EBF1: variants seen among roughly 807,000 people sequenced by gnomAD.
EBF1 encodes EBF transcription factor 1.
EBF1 carries 10 observed loss-of-function variants against 68.4 expected under a neutral mutation model. That is an observed-to-expected ratio of 0.15 (90% CI 0.09 to 0.25). The LOEUF (loss-of-function observed/expected upper bound fraction) is 0.25, where lower values mean the gene tolerates loss of function less well. Among genes scored for constraint, EBF1 ranks in the 10% least tolerant of loss-of-function variants. The pLI, the probability that EBF1 is intolerant of heterozygous loss-of-function variation, is 1.00. For synonymous variants in EBF1, 298 were observed against 299.8 expected (o/e 0.99, Z 0.06); for missense variants, 509 against 794.4 (o/e 0.64, Z 4.32).
intron 6 of EBF1, among the ~76,000 whole-genome samples, chr5:158,949,692 C>T (rs1815575708): frequency 1.3e-5 from 2 of 152,192 alleles, no homozygotes; most frequent in South Asian, 4.1e-4. Context: ...CTGCCTCTTT[C>T]AACAAATACA....
intron 6 of EBF1, among the ~76,000 whole-genome samples, chr5:159,002,416 C>T (rs72813911): frequency 0.12 from 18,387 of 152,224 alleles, 1,420 homozygotes; most frequent in Admixed American, 0.17. Context: ...ACATATACCT[C>T]GCTTTTCCGC....
intron 2 of EBF1, chr5:159,096,657 C>A: frequency 1.6e-6 from 1 of 606,758 alleles, no homozygotes; most frequent in Non-Finnish European, 2.9e-6. Context: ...CCTAGGGGCT[C>A]GTGCCCCGGC....
intron 11 of EBF1, among the ~76,000 whole-genome samples, chr5:158,725,698 A>G (rs1762849523): frequency 1.3e-5 from 2 of 152,192 alleles, no homozygotes; most frequent in South Asian, 2.1e-4. Flanking sequence ...GTGAGAGAAA[A>G]TGCACTGAGA....
chr5:158,745,233 A>T (rs1561807105), intron 10 of EBF1, among the ~76,000 whole-genome samples: 1 of 152,204 alleles, frequency 6.6e-6, no homozygotes, highest in Non-Finnish European at 1.5e-5. Context: ...GTCTCCTGAC[A>T]GAGTGAACAT....
At chr5:158,765,100 T>C (rs1772377394) in intron 10 of EBF1, among the ~76,000 whole-genome samples, 1 of 152,208 alleles carries the variant, frequency 6.6e-6, no homozygotes, top group South Asian at 2.1e-4. Context: ...TGACCCCCGA[T>C]ACAGAACATT....
intron 9 of EBF1, among the ~76,000 whole-genome samples, chr5:158,789,340 A>G (rs1316432649): frequency 6.6e-6 from 1 of 152,202 alleles, no homozygotes; most frequent in African/African-American, 2.4e-5. Flanking sequence ...TTACATTTCT[A>G]TCATGACATT....
chr5:158,784,631 C>T (rs1214564061), intron 9 of EBF1, among the ~76,000 whole-genome samples: 5 of 152,148 alleles, frequency 3.3e-5, no homozygotes, highest in East Asian at 1.9e-4. Context: ...AGCACACCAG[C>T]GATTTCTCAT....
intron 10 of EBF1, among the ~76,000 whole-genome samples, chr5:158,732,370 T>C (rs933054515): frequency 1.3e-5 from 2 of 152,196 alleles, no homozygotes; most frequent in Non-Finnish European, 2.9e-5. Context: ...AAGCAATTTG[T>C]ATACCAACCC....
At chr5:158,913,992 C>A (rs748624987) in intron 6 of EBF1, among the ~76,000 whole-genome samples, 2 of 152,092 alleles carry the variant, frequency 1.3e-5, no homozygotes, top group Non-Finnish European at 2.9e-5. Context: ...TCATTAAGAC[C>A]AGATATCAAT....
At chr5:158,894,734 G>C (rs1316864398) in intron 6 of EBF1, among the ~76,000 whole-genome samples, 3 of 152,182 alleles carry the variant, frequency 2.0e-5, no homozygotes, top group Admixed American at 6.5e-5. Context: ...CAACGTCCCT[G>C]TGTTTCCATT....
At chr5:158,737,285 T>A (rs1765402063) in intron 10 of EBF1, among the ~76,000 whole-genome samples, 1 of 127,232 alleles carries the variant, frequency 7.9e-6, no homozygotes, top group South Asian at 2.9e-4. Context: ...TTTTTTTTTT[T>A]TTTTTTTTTT....
At chr5:158,926,661 T>G (rs1809761424) in intron 6 of EBF1, among the ~76,000 whole-genome samples, 1 of 145,732 alleles carries the variant, frequency 6.9e-6, no homozygotes, top group Admixed American at 7.1e-5. Flanking sequence ...GAGGCAGAGG[T>G]GGCAGTGAGC....
intron 6 of EBF1, among the ~76,000 whole-genome samples, chr5:158,876,934 A>G (rs1321377774): frequency 6.6e-6 from 1 of 152,226 alleles, no homozygotes; most frequent in Non-Finnish European, 1.5e-5. Flanking sequence ...CCTGGTACAA[A>G]TAGAAGTAAG....
intron 4 of EBF1, among the ~76,000 whole-genome samples, chr5:159,090,071 G>T (rs1376134287): frequency 6.6e-6 from 1 of 151,888 alleles, no homozygotes; most frequent in African/African-American, 2.4e-5. Context: ...AATGCACAAA[G>T]TACCTGCTGT....
At chr5:159,003,303 AGT>A (rs2127652805) in intron 6 of EBF1, among the ~76,000 whole-genome samples, 1 of 152,332 alleles carries the variant, frequency 6.6e-6, no homozygotes, top group Non-Finnish European at 1.5e-5. Context: ...ATGAACATGC[AGT>A]GTCTCACTCT....
intron 6 of EBF1, among the ~76,000 whole-genome samples, chr5:158,948,373 T>C (rs898527674): frequency 2.1e-4 from 32 of 151,682 alleles, no homozygotes; most frequent in Non-Finnish European, 4.1e-4. Flanking sequence ...TACACTGGAA[T>C]GTTTAAAAAA....
At chr5:158,946,267 C>T (rs908417182) in intron 6 of EBF1, among the ~76,000 whole-genome samples, 6 of 152,146 alleles carry the variant, frequency 3.9e-5, no homozygotes, top group Admixed American at 2.6e-4. Context: ...AGAGGCATCC[C>T]GGTTTTTGGC....
chr5:159,025,608 A>G (rs1463504798), intron 6 of EBF1, among the ~76,000 whole-genome samples: 2 of 152,236 alleles, frequency 1.3e-5, no homozygotes, highest in African/African-American at 4.8e-5. Context: ...TCACTCTGCA[A>G]CATTCACTCT....
chr5:158,812,683 T>C (rs895739098), intron 8 of EBF1, among the ~76,000 whole-genome samples: 5 of 152,038 alleles, frequency 3.3e-5, no homozygotes, highest in Non-Finnish European at 5.9e-5. Context: ...AAATTCTATC[T>C]CAGAAATTGA....
Sources: gnomAD v4.1 joint callset for allele counts (sites outside exome capture counted in the v4.1 genomes callset) on GRCh38, gnomAD v4.1.1 for gene constraint, MANE v1.5 for transcripts, NCBI Gene and HGNC (gene_info 2026-07-23, HGNC 2026-07-21) for gene names.